The following DUSP16 variants were observed in gnomAD, a reference collection of about 807,000 sequenced individuals.
DUSP16 encodes dual specificity protein phosphatase 16.
DUSP16 carries 21 observed loss-of-function variants against 58.3 expected under a neutral mutation model. The ratio of observed to expected loss-of-function variants is 0.36; its 90% CI spans 0.26 to 0.52. The LOEUF (loss-of-function observed/expected upper bound fraction) is 0.52. Among genes scored for constraint, DUSP16 ranks in the 20% least tolerant of loss-of-function variants. The pLI is 0.94. For missense variants in DUSP16, 726 were observed against 819.0 expected (o/e 0.89, Z 1.39); for synonymous variants, 320 against 323.8 (o/e 0.99, Z 0.12).
intron 4 of DUSP16, among the ~76,000 whole-genome samples, chr12:12,490,366 CTTGATA>C (rs1412040716): frequency 2.0e-5 from 3 of 151,816 alleles, no homozygotes; most frequent in Non-Finnish European, 4.4e-5. Context: ...TAAGATGGGA[CTTGATA>C]AATAAAACAA....
At chr12:12,494,861 C>T (rs531196555) in intron 4 of DUSP16, among the ~76,000 whole-genome samples, 4 of 152,104 alleles carry the variant, frequency 2.6e-5, no homozygotes, top group Non-Finnish European at 4.4e-5. Flanking sequence ...GAAGACTGAT[C>T]GATTTATTAA....
intron 3 of DUSP16, among the ~76,000 whole-genome samples, chr12:12,511,089 C>G (rs1399332746): frequency 6.6e-6 from 1 of 152,202 alleles, no homozygotes; most frequent in Non-Finnish European, 1.5e-5. Context: ...GTGATGTAAT[C>G]TGAATTAGTT....
chr12:12,498,520 T>C (rs1943864392), intron 4 of DUSP16, among the ~76,000 whole-genome samples: 8 of 151,914 alleles, frequency 5.3e-5, no homozygotes, highest in Admixed American at 5.3e-4. Flanking sequence ...GCTCAAGCAA[T>C]CCTCCCACCT....
At chr12:12,526,094 A>T (rs1057083220) in intron 1 of DUSP16, among the ~76,000 whole-genome samples, 2 of 152,222 alleles carry the variant, frequency 1.3e-5, no homozygotes, top group African/African-American at 4.8e-5. Flanking sequence ...TAAAGGTTTT[A>T]AAAGACTATC....
chr12:12,489,086 A>C (rs1365639950), intron 4 of DUSP16, among the ~76,000 whole-genome samples: 2 of 152,204 alleles, frequency 1.3e-5, no homozygotes, highest in Non-Finnish European at 2.9e-5. Flanking sequence ...ATCTCAAACA[A>C]ACACACAAAC....
rs1376048860 is a variant in DUSP16 at position 12,473,739 on chromosome 12, TAA to T, written c.*3092_*3093del. ...TGATGAGACTAAGTTTCTAGTCTCA[TAA>T]GTCATCAAATCTAGTGTCATGAGCA... is the stretch of plus-strand genomic sequence containing the variant. On this transcript the variant is annotated 3_prime_UTR_variant, in exon 7 of 7. Coordinates refer to ENST00000298573, the MANE Select transcript of DUSP16 (RefSeq NM_030640.3). Among the ~76,000 whole-genome samples the T allele has an allele frequency of 6.6e-6, 1 of 152,248 alleles. No homozygotes were observed. Among genetic ancestry groups the T allele is most frequent in the Non-Finnish European group, 1.5e-5 (1 of 68,046 alleles).
intron 5 of DUSP16, 81 bp downstream of exon 5, chr12:12,486,947 G>GA (rs1346779934): frequency 8.5e-6 from 13 of 1,533,968 alleles, no homozygotes; most frequent in Middle Eastern, 3.5e-4. Context: ...TTTCTCTAAA[G>GA]AAAAAATGGG....
At chr12:12,525,702 A>C (rs1045373067) in intron 1 of DUSP16, among the ~76,000 whole-genome samples, 99 of 150,998 alleles carry the variant, frequency 6.6e-4, no homozygotes, top group Admixed American at 1.8e-3. Flanking sequence ...GTGAGACCCT[A>C]TCTCTACAAA....
intron 1 of DUSP16, among the ~76,000 whole-genome samples, chr12:12,535,915 C>T (rs1944456057): frequency 6.6e-6 from 1 of 152,152 alleles, no homozygotes; most frequent in Non-Finnish European, 1.5e-5. Context: ...ATTATGTCAA[C>T]AAGTAACAAA....
Position 12,500,694 on chromosome 12 carries a change from CATT to C in DUSP16, c.368-15_368-13del. 1.3e-6 allele frequency: 2 copies of C among 1,538,886 alleles called. No individual in the cohort carries two copies. Among genetic ancestry groups the C allele is most frequent in the Non-Finnish European group, 1.7e-6 (2 of 1,149,154 alleles). On this transcript the variant is annotated splice_polypyrimidine_tract_variant and intron_variant, in intron 3 of 6. Coordinates refer to ENST00000298573, the MANE Select transcript of DUSP16 (RefSeq NM_030640.3). ...CTCAGCAAACCCACCTAAGAATAAA[CATT>C]ATAAAATTATAAAAAATTATGCCAC...
chr12:12,509,031 A>C (rs1445485256), intron 3 of DUSP16, among the ~76,000 whole-genome samples: 1 of 152,238 alleles, frequency 6.6e-6, no homozygotes, highest in Non-Finnish European at 1.5e-5. Context: ...TAGACTGGTA[A>C]CTATTCTGCT....
intron 1 of DUSP16, among the ~76,000 whole-genome samples, chr12:12,525,881 T>C (rs1469775876): frequency 2.6e-5 from 4 of 152,120 alleles, no homozygotes; most frequent in African/African-American, 4.8e-5. Flanking sequence ...GCCTGTTTTA[T>C]GACATACTAG....
At chr12:12,507,828 C>G (rs541093042) in intron 3 of DUSP16, among the ~76,000 whole-genome samples, 2 of 152,224 alleles carry the variant, frequency 1.3e-5, no homozygotes, top group Non-Finnish European at 2.9e-5. Flanking sequence ...AGGCTGGTCT[C>G]GAACTCCCAA....
At chr12:12,489,877 A>C (rs1428758068) in intron 4 of DUSP16, among the ~76,000 whole-genome samples, 1 of 152,202 alleles carries the variant, frequency 6.6e-6, no homozygotes, top group Non-Finnish European at 1.5e-5. Context: ...CACGGTACTG[A>C]TTAAGAAAAT....
At position 12,474,454 on chromosome 12, in the gene DUSP16, A is replaced by G. The variant is rs185709709; in HGVS notation, c.*2379T>C. 6.6e-5 allele frequency: 10 copies of G among 152,386 alleles called. No homozygotes were observed. The highest frequency in any genetic ancestry group is 1.3e-4 in the Non-Finnish European group (9 of 68,046). The allele number at this position is 152,386 out of a possible 1,614,324, so 9.4% of individuals were successfully genotyped here. The stretch of plus-strand genomic sequence containing the variant: ...TCTAGTTTTGCTCTTTAAAATCACC[A>G]TCTGTATCACCCCTAGTAGACGCGA... On this transcript the variant is annotated 3_prime_UTR_variant, in exon 7 of 7. Transcript: ENST00000298573.
intron 6 of DUSP16, 51 bp downstream of exon 6, chr12:12,480,172 G>C (rs781245093): frequency 6.3e-6 from 10 of 1,599,960 alleles, no homozygotes; most frequent in Non-Finnish European, 8.5e-6. Flanking sequence ...CATTCTTTAT[G>C]TTTCAGGTCA....
chr12:12,505,499 T>C (rs1179686280), intron 3 of DUSP16, among the ~76,000 whole-genome samples: 2 of 152,238 alleles, frequency 1.3e-5, no homozygotes, highest in Non-Finnish European at 1.5e-5. Flanking sequence ...AATGTAAATA[T>C]GGTCACTGGT....
intron 4 of DUSP16, among the ~76,000 whole-genome samples, chr12:12,490,115 G>T (rs1943741565): frequency 6.6e-6 from 1 of 152,086 alleles, no homozygotes; most frequent in African/African-American, 2.4e-5. Flanking sequence ...ACAGGGTCTC[G>T]CTGTATTGTC....
chr12:12,475,724 A>C lies in DUSP16; in HGVS notation c.*1109T>G, dbSNP rs926696762. Reference sequence around the variant, plus strand: ...TCCTCAGCAATTTGTACCTTTCTTAATCTTCCCATAATTTACCTCCCTAGG... The same window carrying C: ...TCCTCAGCAATTTGTACCTTTCTTACTCTTCCCATAATTTACCTCCCTAGG... On this transcript the variant is annotated 3_prime_UTR_variant, in exon 7 of 7. Transcript: ENST00000298573. The C allele has an allele frequency of 5.3e-5, 8 of 152,192 alleles. No individual in the cohort carries two copies. Among genetic ancestry groups the C allele is most frequent in the Non-Finnish European group, 1.2e-4 (8 of 68,028 alleles). The allele number at this position is 152,192 out of a possible 1,614,324, so 9.4% of individuals were successfully genotyped here. A position where few individuals can be genotyped will look rare whatever the true frequency, so the allele number is the denominator to read the frequency against.
Sources: gnomAD v4.1 joint callset for allele counts (sites outside exome capture counted in the v4.1 genomes callset) on GRCh38, gnomAD v4.1.1 for gene constraint, MANE v1.5 for transcripts, NCBI Gene and HGNC (gene_info 2026-07-23, HGNC 2026-07-21) for gene names.